G2E3: variants seen among roughly 807,000 people sequenced by gnomAD.
G2E3 encodes G2/M phase-specific E3 ubiquitin-protein ligase.
A neutral mutation model predicts 92.8 loss-of-function variants in G2E3; 35 were observed. The ratio of observed to expected loss-of-function variants is 0.38; its 90% CI spans 0.29 to 0.50. G2E3 has a LOEUF of 0.50. G2E3 is among the 20% of genes least tolerant of loss of function. The pLI, the probability that G2E3 is intolerant of heterozygous loss-of-function variation, is 0.94. For synonymous variants in G2E3, 242 were observed against 272.4 expected (o/e 0.89, Z 1.10); for missense variants, 554 against 823.8 (o/e 0.67, Z 4.01).
intron 6 of G2E3, among the ~76,000 whole-genome samples, chr14:30,597,051 T>C (rs1261473198): frequency 6.6e-6 from 1 of 152,244 alleles, no homozygotes; most frequent in Non-Finnish European, 1.5e-5. Context: ...GATTTTTATG[T>C]AACATTTAAA....
chr14:30,563,616 G>T (rs908938907), intron 1 of G2E3, among the ~76,000 whole-genome samples: 1 of 152,020 alleles, frequency 6.6e-6, no homozygotes, highest in African/African-American at 2.4e-5. Context: ...GGTGGGGTGG[G>T]GTAGGGGAGG....
chr14:30,570,669 G>A (rs1879704929), intron 1 of G2E3, among the ~76,000 whole-genome samples: 1 of 152,084 alleles, frequency 6.6e-6, no homozygotes, highest in African/African-American at 2.4e-5. Flanking sequence ...TTCAGCTGCA[G>A]AATTTCTATT....
Position 30,598,200 on chromosome 14 carries a change from C to T in G2E3, c.636-283C>T. On this transcript the variant is annotated intron_variant, in intron 7 of 14. Transcript: ENST00000206595. ...AGGAGTTCAAGACCAGCCTTGCCAA[C>T]ATGGCGAAACCCTGTCTCTACTAAA... is the stretch of plus-strand genomic sequence containing the variant. The T allele has an allele frequency of 1.1e-5, 3 of 282,432 alleles. No individual in the cohort carries two copies. In the South Asian group the frequency reaches 1.2e-4, roughly 11 times the overall value. 17.5% of individuals were successfully genotyped at this position (282,432 alleles called of 1,614,324 possible). A position where few individuals can be genotyped will look rare whatever the true frequency, so the allele number is the denominator to read the frequency against.
rs541556416 is a variant in G2E3 at position 30,564,462 on chromosome 14, A to G, written c.-5+5190A>G. ...GTCCTCCCACCTCAGCTTCCCAGGC[A>G]GCTAGGACTACAGGCATTTGCCACC... On this transcript the variant is annotated intron_variant, in intron 1 of 14. Transcript: ENST00000206595. 2.2e-3 allele frequency among the ~76,000 whole-genome samples: 331 copies of G among 152,296 alleles called. 1 individual carries two copies. The highest frequency in any genetic ancestry group is 4.0e-3 in the Non-Finnish European group (269 of 68,024).
intron 5 of G2E3, among the ~76,000 whole-genome samples, chr14:30,593,193 G>A (rs1881105429): frequency 6.6e-6 from 1 of 152,076 alleles, no homozygotes; most frequent in South Asian, 2.1e-4. Context: ...TGTATATACT[G>A]TATTGCTGAC....
At chr14:30,571,850 T>C (rs1879782181) in intron 1 of G2E3, among the ~76,000 whole-genome samples, 1 of 152,008 alleles carries the variant, frequency 6.6e-6, no homozygotes, top group African/African-American at 2.4e-5. Context: ...TGAAATCACA[T>C]AGTTGGAGAC....
At chr14:30,594,437 C>T (rs1422622135) in intron 6 of G2E3, among the ~76,000 whole-genome samples, 1 of 152,124 alleles carries the variant, frequency 6.6e-6, no homozygotes, top group South Asian at 2.1e-4. Context: ...CGCCTGTAAT[C>T]CCAGCACTTT....
At chr14:30,576,580 G>C (rs1204381170) in intron 1 of G2E3, among the ~76,000 whole-genome samples, 1 of 152,142 alleles carries the variant, frequency 6.6e-6, no homozygotes, top group Non-Finnish European at 1.5e-5. Flanking sequence ...AGAGTAAACA[G>C]ACAACCTACA....
chr14:30,592,237 C>T (rs1198735948), intron 4 of G2E3, 86 bp from the exon 5 acceptor site: 21 of 1,163,322 alleles, frequency 1.8e-5, no homozygotes, highest in Non-Finnish European at 2.7e-5. Flanking sequence ...TCAGATTCCC[C>T]ACCAGGAGTA....
At chr14:30,589,235 C>T (rs1251921981) in intron 3 of G2E3, 148 bp from the exon 4 acceptor site, 5 of 526,148 alleles carry the variant, frequency 9.5e-6, no homozygotes, top group Non-Finnish European at 1.7e-5. Flanking sequence ...CTTACTTTGA[C>T]CATGAAAAAT....
intron 1 of G2E3, chr14:30,574,698 A>T (rs1468739675): frequency 6.6e-6 from 1 of 152,138 alleles, no homozygotes; most frequent in East Asian, 1.9e-4. Flanking sequence ...TTCCTGTATT[A>T]CTGTGCTAAG....
At chr14:30,584,884 A>G (rs1880621892) in intron 2 of G2E3, among the ~76,000 whole-genome samples, 2 of 137,858 alleles carry the variant, frequency 1.5e-5, no homozygotes, top group African/African-American at 5.5e-5. Flanking sequence ...GCTGGAGTGC[A>G]GTCACACAAT....
Position 30,588,929 on chromosome 14 carries a change from T to C in G2E3, c.136-454T>C, listed in dbSNP as rs149400823. 3.7e-3 allele frequency among the ~76,000 whole-genome samples: 556 copies of C among 152,274 alleles called. 7 individuals carry two copies. Among genetic ancestry groups the C allele is most frequent in the African/African-American group, 0.013 (526 of 41,560 alleles). ...AACTAGGGTTCAATAGGTTTTCTTG[T>C]AAATAATGCCTTAATGATTCAGAAT... On this transcript the variant is annotated intron_variant, in intron 3 of 14. Transcript: ENST00000206595.
chr14:30,575,266 G>A (rs934399942), intron 1 of G2E3, among the ~76,000 whole-genome samples: 2 of 151,852 alleles, frequency 1.3e-5, no homozygotes, highest in Non-Finnish European at 2.9e-5. Flanking sequence ...ACTTTTTAAT[G>A]GGGTTGTTTT....
intron 1 of G2E3, among the ~76,000 whole-genome samples, chr14:30,565,899 T>C (rs1879403622): frequency 6.6e-6 from 1 of 151,954 alleles, no homozygotes; most frequent in Non-Finnish European, 1.5e-5. Flanking sequence ...CCTGACCTCA[T>C]GATCTGTCGC....
chr14:30,581,445 G>A (rs1334452436), intron 2 of G2E3, among the ~76,000 whole-genome samples: 6 of 152,174 alleles, frequency 3.9e-5, no homozygotes, highest in African/African-American at 9.7e-5. Context: ...AGTGGCTCAC[G>A]CCTGCAATTC....
At chr14:30,603,804 A>C (rs980442872) in intron 10 of G2E3, among the ~76,000 whole-genome samples, 1 of 152,250 alleles carries the variant, frequency 6.6e-6, no homozygotes, top group Non-Finnish European at 1.5e-5. Flanking sequence ...TGATCATGCC[A>C]CTATACTCTC....
intron 13 of G2E3, among the ~76,000 whole-genome samples, chr14:30,614,880 CAT>C (rs978256843): frequency 4.6e-5 from 7 of 152,196 alleles, no homozygotes; most frequent in Non-Finnish European, 7.4e-5. Context: ...AATTTTCTGT[CAT>C]ATAAAATATC....
rs549757849 is a variant in G2E3, at chr14:30,617,576, T to A, written c.*1042T>A. 8.5e-5 allele frequency: 13 copies of A among 152,222 alleles called. No individual in the cohort carries two copies. The highest frequency in any genetic ancestry group is 1.6e-4 in the Non-Finnish European group (11 of 67,966). The allele number at this position is 152,222 out of a possible 1,614,324, so 9.4% of individuals were successfully genotyped here. Reference sequence around the variant, plus strand: ...TTGACGCCATAGCATTATACAGTTATCTTCATTGCTCTTGAATGATATCTG... The same window carrying A: ...TTGACGCCATAGCATTATACAGTTAACTTCATTGCTCTTGAATGATATCTG... On this transcript the variant is annotated 3_prime_UTR_variant, in exon 15 of 15. Transcript: ENST00000206595.
Sources: gnomAD v4.1 joint callset for allele counts (sites outside exome capture counted in the v4.1 genomes callset) on GRCh38, gnomAD v4.1.1 for gene constraint, MANE v1.5 for transcripts, NCBI Gene and HGNC (gene_info 2026-07-23, HGNC 2026-07-21) for gene names.